ZNF385D: variants seen among roughly 807,000 people sequenced by gnomAD.
ZNF385D encodes zinc finger protein 659.
In ZNF385D, 15 loss-of-function variants were observed where a neutral mutation model predicts 35.8. That is an observed-to-expected ratio of 0.42 (90% confidence interval 0.28 to 0.64). The LOEUF (loss-of-function observed/expected upper bound fraction) is 0.64. Ranked by LOEUF, ZNF385D falls within the 30% of genes least tolerant of loss-of-function variation. ZNF385D has a pLI of 0.23. For missense variants in ZNF385D, 474 were observed against 494.6 expected (o/e 0.96, Z 0.39); for synonymous variants, 212 against 186.8 (o/e 1.13, Z -1.10).
At chr3:22,007,757 G>C (rs953923235) in intron 3 of ZNF385D, among the ~76,000 whole-genome samples, 12 of 151,912 alleles carry the variant, frequency 7.9e-5, no homozygotes, top group African/African-American at 2.7e-4. Flanking sequence ...ACTTGTATAA[G>C]AGCCATTTTT....
chr3:21,679,981 C>T (rs776048254), intron 1 of ZNF385D, among the ~76,000 whole-genome samples: 39 of 152,088 alleles, frequency 2.6e-4, no homozygotes, highest in Non-Finnish European at 4.4e-4. Flanking sequence ...GAGACTCGCT[C>T]AGTGCCTAAT....
chr3:21,979,510 G>C lies in ZNF385D; in HGVS notation c.325+189307C>G, dbSNP rs79870578. 2.1e-3 allele frequency: 318 copies of C among 152,264 alleles called. 1 individual carries two copies. The highest frequency in any genetic ancestry group is 7.2e-3 in the African/African-American group (299 of 41,562). 9.4% of individuals were successfully genotyped at this position (152,264 alleles called of 1,614,324 possible). On this transcript the variant is annotated intron_variant, in intron 3 of 5. Coordinates refer to the ZNF385D transcript ENST00000494108. ...AAGTTTTCCTCTAACAAATTGTGGG[G>C]CTAGTTTTTTACAAAATATGTGGAT...
intron 2 of ZNF385D, among the ~76,000 whole-genome samples, chr3:22,288,237 G>A (rs1202924890): frequency 6.6e-6 from 1 of 151,944 alleles, no homozygotes; most frequent in Non-Finnish European, 1.5e-5. Context: ...ATCTTTATAT[G>A]CATCCTATTT....
At chr3:21,628,541 A>G (rs1462195436) in intron 2 of ZNF385D, among the ~76,000 whole-genome samples, 1 of 152,160 alleles carries the variant, frequency 6.6e-6, no homozygotes, top group Non-Finnish European at 1.5e-5. Context: ...AAAAAAAGGT[A>G]GTCGCTTAAT....
intron 3 of ZNF385D, among the ~76,000 whole-genome samples, chr3:22,121,348 A>G (rs1340569076): frequency 6.6e-6 from 1 of 152,216 alleles, no homozygotes; most frequent in Non-Finnish European, 1.5e-5. Context: ...TCATGCATGA[A>G]TCAATCTGCA....
At chr3:22,101,556 A>G (rs192496890) in intron 3 of ZNF385D, among the ~76,000 whole-genome samples, 5 of 152,190 alleles carry the variant, frequency 3.3e-5, no homozygotes, top group Admixed American at 6.6e-5. Context: ...ACACTGAACC[A>G]TTTCTCTATA....
intron 2 of ZNF385D, among the ~76,000 whole-genome samples, chr3:22,290,198 G>C (rs759801461): frequency 6.6e-6 from 1 of 152,068 alleles, no homozygotes; most frequent in Non-Finnish European, 1.5e-5. Context: ...GTCTCTTCAC[G>C]GGGAAGCTGG....
chr3:21,802,251 T>C (rs1362195062), intron 3 of ZNF385D, among the ~76,000 whole-genome samples: 1 of 152,182 alleles, frequency 6.6e-6, no homozygotes, highest in Non-Finnish European at 1.5e-5. Flanking sequence ...TTAAATGCTG[T>C]TTCCAAAAAA....
At chr3:22,141,481 C>T (rs1704500385) in intron 3 of ZNF385D, among the ~76,000 whole-genome samples, 1 of 152,070 alleles carries the variant, frequency 6.6e-6, no homozygotes, top group South Asian at 2.1e-4. Flanking sequence ...GGAATCCTAG[C>T]TAAACTTTGC....
chr3:22,249,216 G>A (rs182557829), intron 2 of ZNF385D, among the ~76,000 whole-genome samples: 1 of 152,118 alleles, frequency 6.6e-6, no homozygotes, highest in African/African-American at 2.4e-5. Context: ...CATGGCTGCT[G>A]TCTTATACCA....
intron 3 of ZNF385D, among the ~76,000 whole-genome samples, chr3:21,812,848 G>A (rs2072988785): frequency 6.6e-6 from 1 of 152,140 alleles, no homozygotes. Flanking sequence ...GAGAGTAGTA[G>A]TTCTCCCAGC....
At chr3:22,229,652 C>T (rs138041561) in intron 2 of ZNF385D, among the ~76,000 whole-genome samples, 230 of 152,322 alleles carry the variant, frequency 1.5e-3, no homozygotes, top group African/African-American at 5.2e-3. Flanking sequence ...CTCCCTTGCT[C>T]AAGCCACTCT....
At chr3:21,544,826 T>G (rs2062315057) in intron 3 of ZNF385D, among the ~76,000 whole-genome samples, 1 of 152,176 alleles carries the variant, frequency 6.6e-6, no homozygotes, top group South Asian at 2.1e-4. Context: ...CCTCGAACAT[T>G]TAGCAGCCTA....
intron 1 of ZNF385D, among the ~76,000 whole-genome samples, chr3:21,742,869 G>C (rs2069585027): frequency 6.6e-6 from 1 of 152,092 alleles, no homozygotes; most frequent in African/African-American, 2.4e-5. Flanking sequence ...ATGGTTCCTA[G>C]TTTGACCCCA....
chr3:22,063,763 G>A (rs777782103), intron 3 of ZNF385D, among the ~76,000 whole-genome samples: 1 of 152,002 alleles, frequency 6.6e-6, no homozygotes, highest in Non-Finnish European at 1.5e-5. Context: ...TCTTCCCCTG[G>A]GCAGCCTGTA....
chr3:21,766,201 GTTTTC>G (rs1397603709), intron 3 of ZNF385D, among the ~76,000 whole-genome samples: 20 of 152,134 alleles, frequency 1.3e-4, no homozygotes, highest in Non-Finnish European at 5.9e-5. Context: ...TGAGAGACCT[GTTTTC>G]TTTTAATGTC....
At position 21,790,570 on chromosome 3, in the gene ZNF385D, G is replaced by A. The variant is rs529138883; in HGVS notation, c.326-125542C>T. ...ATGTCATTCCTTTATCAGTTCTCTAGGGCACAGAAGATGTGCAGTCAGAAT... is the reference window on the plus strand; with the variant it reads ...ATGTCATTCCTTTATCAGTTCTCTAAGGCACAGAAGATGTGCAGTCAGAAT... On this transcript the variant is annotated intron_variant, in intron 3 of 5. Coordinates refer to the ZNF385D transcript ENST00000494108. 3.9e-4 allele frequency among the ~76,000 whole-genome samples: 59 copies of A among 152,186 alleles called. 1 individual carries two copies. The highest frequency in any genetic ancestry group is 6.9e-4 in the Non-Finnish European group (47 of 68,006).
At chr3:21,542,110 T>C (rs768995316) in intron 3 of ZNF385D, among the ~76,000 whole-genome samples, 12 of 152,262 alleles carry the variant, frequency 7.9e-5, no homozygotes, top group South Asian at 6.2e-4. Context: ...GCTTTCAGAA[T>C]CATAAGAACA....
At position 21,940,943 on chromosome 3, in the gene ZNF385D, T is replaced by C. The variant is rs149887731; in HGVS notation, c.325+227874A>G. Among the ~76,000 whole-genome samples, 931 of 152,298 alleles carry C rather than the reference T, an allele frequency of 6.1e-3. 8 individuals are homozygous for C. The highest frequency in any genetic ancestry group is 0.02 in the African/African-American group (849 of 41,572). On this transcript the variant is annotated intron_variant, in intron 3 of 5. Transcript: ENST00000494108. ...GAGGATCCATCCAAGTACTTTTACA[T>C]AATTCATGTTTCATCAAAGGCTGAA...
Sources: gnomAD v4.1 joint callset for allele counts (sites outside exome capture counted in the v4.1 genomes callset) on GRCh38, gnomAD v4.1.1 for gene constraint, MANE v1.5 for transcripts, NCBI Gene and HGNC (gene_info 2026-07-23, HGNC 2026-07-21) for gene names.